Variants in SLC6A4 observed in about 807,000 individuals in gnomAD.
SLC6A4 encodes the protein sodium-dependent serotonin transporter.
SLC6A4 carries 22 observed loss-of-function variants against 73.4 expected under a neutral mutation model. The ratio of observed to expected loss-of-function variants is 0.30; its 90% CI spans 0.21 to 0.43. SLC6A4 has a LOEUF of 0.43. SLC6A4 is among the 20% of genes least tolerant of loss of function. The probability of loss-of-function intolerance (pLI) is 1.00; values close to 1 mark genes in which losing one functional copy is unlikely to be tolerated. For synonymous variants in SLC6A4, 270 were observed against 315.5 expected (o/e 0.86, Z 1.53); for missense variants, 593 against 808.5 (o/e 0.73, Z 3.23).
Position 30,222,884 on chromosome 17 carries a change from G to C in SLC6A4, c.-189C>G. The C allele has an allele frequency of 1.6e-6, 2 of 1,283,238 alleles. No homozygotes were observed. The highest frequency in any genetic ancestry group is 2.1e-6 in the Non-Finnish European group (2 of 969,942). The allele number at this position is 1,283,238 out of a possible 1,614,324, so 79.5% of individuals were successfully genotyped here. A position where few individuals can be genotyped will look rare whatever the true frequency, so the allele number is the denominator to read the frequency against. On this transcript the variant is annotated 5_prime_UTR_variant, in exon 2 of 15. Transcript: ENST00000650711. Reference sequence around the variant, plus strand: ...AAGCCCCTTGTTATTCTGCAAGAGAGGGCAAGCAAGGTCGCCTTGCCTCCA... The same window carrying C: ...AAGCCCCTTGTTATTCTGCAAGAGACGGCAAGCAAGGTCGCCTTGCCTCCA...
intron 9 of SLC6A4, among the ~76,000 whole-genome samples, chr17:30,212,431 G>C (rs1372569141): frequency 6.6e-6 from 1 of 152,196 alleles, no homozygotes; most frequent in South Asian, 2.1e-4. Flanking sequence ...CTGTCACCCA[G>C]GCTGAAGTAC....
chr17:30,221,466 TCACAGCCCACCCGGGTCACAGCCC>T, intron 3 of SLC6A4, 126 bp downstream of exon 3: 1 of 560,296 alleles, frequency 1.8e-6, no homozygotes, highest in Non-Finnish European at 3.1e-6. Flanking sequence ...CCACCCCAGG[TCACAGCCCACCCGGGTCACAGCCC>T]ATCCCAGGTC....
At chr17:30,220,317 T>C (rs11080122) in intron 3 of SLC6A4, among the ~76,000 whole-genome samples, 122,566 of 152,130 alleles carry the variant, frequency 0.81, 49,441 homozygotes, top group East Asian at 0.9. Context: ...TGTTATTTTC[T>C]TGTGCTGATA....
Position 30,203,254 on chromosome 17 carries a change from T to C in SLC6A4, c.1736A>G (p.Tyr579Cys). The C allele has an allele frequency of 1.9e-6, 3 of 1,612,414 alleles. No individual in the cohort carries two copies. Among genetic ancestry groups the C allele is most frequent in the Non-Finnish European group, 2.5e-6 (3 of 1,178,466 alleles). The change falls in exon 14 of 15, where the codon TAC becomes TGC. Residue 579 changes from tyrosine (Y) to cysteine (C), a missense_variant. Tyr to Cys is a radical substitution (Grantham distance 194, BLOSUM62 -2). Transcript: ENST00000650711. ...AATGAAAGATGAGGTTCCTATGCAG[T>C]AACCCAAGATGATACTCCAGTAAGG... Reference protein sequence around the residue: ...NYPYWSIILGYCIGTSSFICI... With the variant: ...NYPYWSIILGCCIGTSSFICI...
intron 13 of SLC6A4, among the ~76,000 whole-genome samples, chr17:30,204,122 G>A (rs1906118175): frequency 6.6e-6 from 1 of 152,242 alleles, no homozygotes; most frequent in South Asian, 2.1e-4. Flanking sequence ...ATTCCACAGT[G>A]TGCTCCCAAC....
chr17:30,208,647 G>A (rs905797129), intron 12 of SLC6A4, among the ~76,000 whole-genome samples: 2 of 152,172 alleles, frequency 1.3e-5, no homozygotes, highest in African/African-American at 4.8e-5. Context: ...TTGATAATAT[G>A]TGTAACAAAT....
At chr17:30,215,776 A>G (rs41274282) in intron 7 of SLC6A4, 62 bp from the exon 8 acceptor site, 5 of 1,430,682 alleles carry the variant, frequency 3.5e-6, no homozygotes, top group African/African-American at 1.4e-5. Context: ...CCCTGGCACC[A>G]ACAGGGTCGC....
intron 13 of SLC6A4, chr17:30,204,574 C>T (rs1906131204): frequency 6.6e-6 from 1 of 152,200 alleles, no homozygotes; most frequent in African/African-American, 2.4e-5. Flanking sequence ...GGGACTCAAC[C>T]TCCGGTTGGG....
rs1301176131 is a variant in SLC6A4, at chr17:30,198,369, A to T, written c.*87T>A. The T allele has an allele frequency of 1.3e-6, 1 of 755,580 alleles. No homozygotes were observed. Among genetic ancestry groups the T allele is most frequent in the South Asian group, 1.6e-5 (1 of 61,700 alleles). The allele number at this position is 755,580 out of a possible 1,614,324, so 46.8% of individuals were successfully genotyped here. ...CATCATCAGGCTTAGCTGGAAACTC[A>T]TTCACTTGGAGGGGAGAAGGCAGGC... On this transcript the variant is annotated 3_prime_UTR_variant, in exon 15 of 15. Coordinates refer to ENST00000650711, the MANE Select transcript of SLC6A4 (RefSeq NM_001045.6).
chr17:30,201,324 C>T (rs76844737), intron 14 of SLC6A4, among the ~76,000 whole-genome samples: 2,179 of 152,252 alleles, frequency 0.014, 42 homozygotes, highest in African/African-American at 0.047. Context: ...ACACTGCTTC[C>T]GGGTAACCCG....
intron 3 of SLC6A4, among the ~76,000 whole-genome samples, chr17:30,221,084 C>T (rs1270403504): frequency 6.8e-6 from 1 of 146,506 alleles, no homozygotes; most frequent in Non-Finnish European, 1.5e-5. Flanking sequence ...TCAAGTGATT[C>T]TCCTGCCTCA....
intron 13 of SLC6A4, 73 bp from the exon 14 acceptor site, chr17:30,203,412 C>G (rs1906095929): frequency 8.1e-7 from 1 of 1,228,848 alleles, no homozygotes; most frequent in Non-Finnish European, 1.2e-6. Flanking sequence ...TCCGATACCA[C>G]AAACACCAAA....
Position 30,210,598 on chromosome 17 carries a change from G to T in SLC6A4, c.1366C>A (p.His456Asn). 1 of 1,613,770 alleles carries T rather than the reference G, an allele frequency of 6.2e-7. No individual in the cohort carries two copies. The highest frequency in any genetic ancestry group is 1.7e-5 in the Admixed American group (1 of 60,012). ...CGCTCCCGGCGCTTGGCCCAGACGT[G>T]TGGGAACTCATCCAGCACAGCCGTG... ...VITAVLDEFP[H>N]VWAKRRERFV... The change falls in exon 11 of 15, where the codon CAC becomes AAC. Residue 456 changes from histidine to asparagine, a missense_variant. Transcript: ENST00000650711.
chr17:30,232,272 G>C (rs1001942813), intron 1 of SLC6A4, among the ~76,000 whole-genome samples: 1 of 152,218 alleles, frequency 6.6e-6, no homozygotes, highest in Non-Finnish European at 1.5e-5. Flanking sequence ...TGGGTTCGCT[G>C]TGTCCCCAGC....
rs548265200 is a variant in SLC6A4 at position 30,233,670 on chromosome 17, A to C, written c.-221+1943T>G. 3.9e-5 allele frequency among the ~76,000 whole-genome samples: 6 copies of C among 152,318 alleles called. No homozygotes were observed. In the South Asian group the frequency reaches 1.0e-3, roughly 26 times the overall value. ...TAGAGCTGAGGACCACGAGGAGCTG[A>C]TATGTTACTGGGAATAACTAAGGTC... On this transcript the variant is annotated intron_variant, in intron 1 of 14. Transcript: ENST00000650711.
At chr17:30,199,929 T>C (rs1245162717) in intron 14 of SLC6A4, among the ~76,000 whole-genome samples, 1 of 151,856 alleles carries the variant, frequency 6.6e-6, no homozygotes, top group Non-Finnish European at 1.5e-5. Context: ...GTCAGGGTCT[T>C]GCTCTGTTGC....
chr17:30,227,077 T>C (rs1048391155), intron 1 of SLC6A4, among the ~76,000 whole-genome samples: 10 of 152,196 alleles, frequency 6.6e-5, no homozygotes, highest in African/African-American at 1.9e-4. Flanking sequence ...ATAGCTCACA[T>C]GTTTTGCACC....
chr17:30,203,425 C>T, intron 13 of SLC6A4, 86 bp from the exon 14 acceptor site: 1 of 1,138,068 alleles, frequency 8.8e-7, no homozygotes, highest in Non-Finnish European at 1.3e-6. Context: ...ACACCAAATG[C>T]TAAAGCTAAG....
intron 13 of SLC6A4, among the ~76,000 whole-genome samples, chr17:30,203,897 G>T (rs1201071844): frequency 2.0e-5 from 3 of 152,206 alleles, no homozygotes; most frequent in Non-Finnish European, 4.4e-5. Flanking sequence ...TCAGGCTCCT[G>T]GGGGTGTGTC....
Sources: gnomAD v4.1 joint callset for allele counts (sites outside exome capture counted in the v4.1 genomes callset) on GRCh38, gnomAD v4.1.1 for gene constraint, MANE v1.5 for transcripts, NCBI Gene and HGNC (gene_info 2026-07-23, HGNC 2026-07-21) for gene names.